The following GPN3 variants were observed in gnomAD, a reference collection of about 807,000 sequenced individuals.
The protein encoded by GPN3 is GPN-loop GTPase 3, also known as ATP-binding domain 1 family member C.
GPN3 carries 31 observed loss-of-function variants against 38.7 expected under a neutral mutation model. The observed-to-expected ratio is 0.80, with a 90% CI of 0.60 to 1.08. GPN3 has a LOEUF of 1.08. Ranked by LOEUF, GPN3 falls within the 50% of genes least tolerant of loss-of-function variation. The pLI, the probability that GPN3 is intolerant of heterozygous loss-of-function variation, is 0.00. For missense variants in GPN3, 301 were observed against 354.4 expected (o/e 0.85, Z 1.21); for synonymous variants, 116 against 120.2 (o/e 0.96, Z 0.23).
chr12:110,455,484 G>T, intron 6 of GPN3, 102 bp downstream of exon 6: 1 of 675,086 alleles, frequency 1.5e-6, no homozygotes, highest in South Asian at 1.8e-5. Context: ...GGCTGGTCTT[G>T]AACTCCTGGA....
rs1315738891 is a variant in GPN3, at chr12:110,452,999, A to G, written c.*35T>C. 1.1e-6 allele frequency: 1 copy of G among 911,498 alleles called. No individual in the cohort carries two copies. The allele number at this position is 911,498 out of a possible 1,614,324, so 56.5% of individuals were successfully genotyped here. A position where few individuals can be genotyped will look rare whatever the true frequency, so the allele number is the denominator to read the frequency against. On this transcript the variant is annotated 3_prime_UTR_variant, in exon 8 of 8. Coordinates refer to ENST00000228827, the MANE Select transcript of GPN3 (RefSeq NM_016301.4). ...AGAAGAATGTTCTGCTGGTTTGGCC[A>G]CAAGCTCTTTAGATGGTTACTTTTA...
In GPN3 at chr12:110,468,232, C is replaced by G. The variant is rs1402493122; in HGVS notation, c.-29G>C. On this transcript the variant is annotated 5_prime_UTR_variant, in exon 1 of 8. Transcript: ENST00000228827. ...GGCTCCCGGAGCCGCCCGCCACACT[C>G]CCTTAGCCTTCGCGCGACGCCCACT... 1 of 1,607,718 alleles carries G rather than the reference C, an allele frequency of 6.2e-7. No homozygotes were observed. Among genetic ancestry groups the G allele is most frequent in the African/African-American group, 1.3e-5 (1 of 74,928 alleles).
At chr12:110,459,596 G>C in intron 3 of GPN3, 99 bp downstream of exon 3, 1 of 836,390 alleles carries the variant, frequency 1.2e-6, no homozygotes, top group Non-Finnish European at 2.0e-6. Flanking sequence ...CTTTACTGCA[G>C]TATAGTTTAG....
intron 1 of GPN3, among the ~76,000 whole-genome samples, chr12:110,467,581 CACA>C (rs2062642546): frequency 6.6e-6 from 1 of 152,098 alleles, no homozygotes; most frequent in African/African-American, 2.4e-5. Flanking sequence ...TAGCACCGAG[CACA>C]ACTTCTCCTA....
intron 6 of GPN3, 74 bp from the exon 7 acceptor site, chr12:110,453,945 GT>G: frequency 1.7e-6 from 2 of 1,148,462 alleles, no homozygotes; most frequent in Non-Finnish European, 2.5e-6. Context: ...TTATATTTGA[GT>G]TTTATAACCA....
At chr12:110,461,088 A>G (rs1301955664) in intron 2 of GPN3, 1 of 1,492,186 alleles carries the variant, frequency 6.7e-7, no homozygotes. Context: ...AAGCACATCT[A>G]TGGAGTGGGC....
chr12:110,455,508 C>T lies in GPN3; in HGVS notation c.663+78G>A, dbSNP rs991201205. On this transcript the variant is annotated intron_variant, in intron 6 of 7. Transcript: ENST00000228827. The stretch of plus-strand genomic sequence containing the variant: ...TGAACTCCTGGACTCAATCTTGCTG[C>T]CTTGGCCTGCCAAAGTGCTAGGGTT... 9 of 707,598 alleles carry T rather than the reference C, an allele frequency of 1.3e-5. No homozygotes were observed. In the Admixed American group the frequency reaches 1.6e-4, roughly 13 times the overall value. The allele number at this position is 707,598 out of a possible 1,614,324, so 43.8% of individuals were successfully genotyped here.
In GPN3 at chr12:110,464,728, G is replaced by T. The variant is rs368687281; in HGVS notation, c.157+378C>A. The T allele has an allele frequency of 4.3e-4, 90 of 210,580 alleles. 1 individual carries two copies. The South Asian group carries it at 5.2e-3, about 12-fold the overall frequency. 13.0% of individuals were successfully genotyped at this position (210,580 alleles called of 1,614,324 possible). A position where few individuals can be genotyped will look rare whatever the true frequency, so the allele number is the denominator to read the frequency against. Reference sequence around the variant, plus strand: ...CTTTCTCAGCCTCCTGAGTAGCTGGGATTACAGTCACATGCCACCACACCC... The same window carrying T: ...CTTTCTCAGCCTCCTGAGTAGCTGGTATTACAGTCACATGCCACCACACCC... On this transcript the variant is annotated intron_variant, in intron 2 of 7. Coordinates refer to ENST00000228827, the MANE Select transcript of GPN3 (RefSeq NM_016301.4).
chr12:110,463,361 G>T (rs893018842), intron 2 of GPN3, among the ~76,000 whole-genome samples: 1 of 151,138 alleles, frequency 6.6e-6, no homozygotes, highest in Admixed American at 6.6e-5. Context: ...GAGGTAGGAG[G>T]ATTGCTTGAG....
intron 2 of GPN3, among the ~76,000 whole-genome samples, chr12:110,463,178 C>T (rs564394635): frequency 4.6e-5 from 7 of 152,144 alleles, no homozygotes; most frequent in East Asian, 1.9e-4. Context: ...CCAGCACTTT[C>T]GGAAGTCAAG....
At chr12:110,459,650 T>C (rs1369352524) in intron 3 of GPN3, 45 bp downstream of exon 3, 1 of 1,315,580 alleles carries the variant, frequency 7.6e-7, no homozygotes, top group Non-Finnish European at 1.1e-6. Flanking sequence ...AGGATGGAAC[T>C]ATCAAGACTT....
At chr12:110,468,555 T>G, upstream of GPN3, 1 of 1,537,304 alleles carries the variant, frequency 6.5e-7, no homozygotes, top group South Asian at 1.2e-5. Flanking sequence ...ACGTTTGACC[T>G]GTATGGTGAC....
At chr12:110,453,609 C>A in intron 7 of GPN3, 134 bp downstream of exon 7, 1 of 656,978 alleles carries the variant, frequency 1.5e-6, no homozygotes, top group East Asian at 2.6e-5. Context: ...AGAGATCACC[C>A]AGAAAAGCCC....
At chr12:110,465,028 T>C (rs2062617238) in intron 2 of GPN3, 78 bp downstream of exon 2, 3 of 796,246 alleles carry the variant, frequency 3.8e-6, no homozygotes, top group Non-Finnish European at 6.9e-6. Context: ...TAAGTATCAG[T>C]GCTAAGCAGC....
Position 110,455,880 on chromosome 12 carries a change from A to G in GPN3, c.501T>C (p.Ile167=), listed in dbSNP as rs372849769. The G allele has an allele frequency of 3.1e-6, 5 of 1,611,632 alleles. No homozygotes were observed. Among genetic ancestry groups the G allele is most frequent in the Non-Finnish European group, 4.2e-6 (5 of 1,177,824 alleles). ...AALSAMISLE[I]PQVNIMTKMD... ...TTTTTGTCATGATGTTGACTTGCGGAATTTCTAGAGAGATCATGGCACTCA... is the reference window on the plus strand; with the variant it reads ...TTTTTGTCATGATGTTGACTTGCGGGATTTCTAGAGAGATCATGGCACTCA... The change falls in exon 5 of 8, where the codon ATT becomes ATC. Residue 167 remains isoleucine, a synonymous_variant. Transcript: ENST00000228827.
At chr12:110,460,953 G>A (rs1053425687) in intron 2 of GPN3, 32 of 1,000,124 alleles carry the variant, frequency 3.2e-5, no homozygotes, top group Non-Finnish European at 4.6e-5. Flanking sequence ...GACAGAGCAA[G>A]ACTCCATCTC....
intron 1 of GPN3, among the ~76,000 whole-genome samples, chr12:110,467,814 T>C (rs981931331): frequency 6.6e-6 from 1 of 152,174 alleles, no homozygotes; most frequent in African/African-American, 2.4e-5. Context: ...GAGACAAAAC[T>C]GGATTTATAT....
At chr12:110,464,072 T>C (rs1333174629) in intron 2 of GPN3, among the ~76,000 whole-genome samples, 3 of 151,942 alleles carry the variant, frequency 2.0e-5, no homozygotes, top group African/African-American at 7.2e-5. Flanking sequence ...TGGGCTCAAG[T>C]GATCCTCCCA....
chr12:110,467,076 C>T (rs571204554), intron 1 of GPN3, among the ~76,000 whole-genome samples: 3 of 152,278 alleles, frequency 2.0e-5, no homozygotes, highest in East Asian at 3.9e-4. Flanking sequence ...ACAGCCTCAA[C>T]CTCCTGGGTT....
Sources: gnomAD v4.1 joint callset for allele counts (sites outside exome capture counted in the v4.1 genomes callset) on GRCh38, gnomAD v4.1.1 for gene constraint, MANE v1.5 for transcripts, NCBI Gene and HGNC (gene_info 2026-07-23, HGNC 2026-07-21) for gene names.